WWC2: variants seen among roughly 807,000 people sequenced by gnomAD.
WWC2 encodes the protein WW and C2 domain containing 2, also known as protein WWC2.
In WWC2, 101 loss-of-function variants were observed where a neutral mutation model predicts 138.5. The ratio of observed to expected loss-of-function variants is 0.73; its 90% CI spans 0.62 to 0.86. The LOEUF (loss-of-function observed/expected upper bound fraction) is 0.86. WWC2 is among the 40% of genes least tolerant of loss of function. WWC2 has a pLI of 0.00. For synonymous variants in WWC2, 558 were observed against 538.4 expected, an observed-to-expected ratio of 1.04 and a Z score of -0.50; for missense variants, 1,420 against 1,419.4, an observed-to-expected ratio of 1.00 and a Z score of -0.01.
chr4:183,214,669 G>A (rs947797068), intron 4 of WWC2, among the ~76,000 whole-genome samples: 5 of 151,910 alleles, frequency 3.3e-5, no homozygotes, highest in South Asian at 2.1e-4. Context: ...GCACATGCCC[G>A]TAATCCCAGC....
chr4:183,165,750 G>C (rs552260477), intron 1 of WWC2, among the ~76,000 whole-genome samples: 18 of 152,168 alleles, frequency 1.2e-4, no homozygotes, highest in Non-Finnish European at 2.2e-4. Flanking sequence ...GGCACCAAAT[G>C]CAACTTTTTC....
Position 183,244,688 on chromosome 4 carries a change from C to T in WWC2, c.603-728C>T, listed in dbSNP as rs1023212349. Among the ~76,000 whole-genome samples the T allele has an allele frequency of 2.6e-5, 4 of 152,052 alleles. No individual in the cohort carries two copies. The South Asian group carries it at 8.3e-4, about 32-fold the overall frequency. ...TTATTAACCATTTATTAAAGGCCTCCCAAGCTGCAGGCCCTGTGCCAGGTT... is the reference window on the plus strand; with the variant it reads ...TTATTAACCATTTATTAAAGGCCTCTCAAGCTGCAGGCCCTGTGCCAGGTT... On this transcript the variant is annotated intron_variant, in intron 5 of 22. Transcript: ENST00000403733.
At chr4:183,279,188 G>A (rs1262254448) in intron 16 of WWC2, among the ~76,000 whole-genome samples, 3 of 151,998 alleles carry the variant, frequency 2.0e-5, no homozygotes, top group Non-Finnish European at 4.4e-5. Flanking sequence ...AGCATGAAGG[G>A]TTGTTGAATT....
chr4:183,211,549 A>G (rs1735598565), intron 4 of WWC2, among the ~76,000 whole-genome samples: 2 of 152,032 alleles, frequency 1.3e-5, no homozygotes, highest in Admixed American at 6.6e-5. Flanking sequence ...GGGCGGGTCA[A>G]TTTCCAGTTT....
At position 183,317,956 on chromosome 4, in the gene WWC2, CA is replaced by C. The variant is rs1739493862; in HGVS notation, c.*2228del. 1 of 152,066 alleles carries C rather than the reference CA, an allele frequency of 6.6e-6. No homozygotes were observed. Among genetic ancestry groups the C allele is most frequent in the Non-Finnish European group, 1.5e-5 (1 of 68,004 alleles). 9.4% of individuals were successfully genotyped at this position (152,066 alleles called of 1,614,324 possible). A position where few individuals can be genotyped will look rare whatever the true frequency, so the allele number is the denominator to read the frequency against. ...AATCCTTTTTCTACACTTTAAAAGT[CA>C]GCAATAGTGTTATGTATTTATAGGC... On this transcript the variant is annotated 3_prime_UTR_variant, in exon 23 of 23. Coordinates refer to ENST00000403733, the MANE Select transcript of WWC2 (RefSeq NM_024949.6).
chr4:183,303,856 C>T (rs1220487947), intron 21 of WWC2, among the ~76,000 whole-genome samples: 2 of 151,232 alleles, frequency 1.3e-5, no homozygotes, highest in African/African-American at 2.4e-5. Flanking sequence ...CTATATAGTA[C>T]ATGCCTGCAT....
chr4:183,110,180 G>T (rs1421390925), intron 1 of WWC2, among the ~76,000 whole-genome samples: 1 of 152,200 alleles, frequency 6.6e-6, no homozygotes, highest in African/African-American at 2.4e-5. Flanking sequence ...TAATTCTTAA[G>T]AAGAGTTGTA....
At chr4:183,220,821 G>C (rs780682365) in intron 4 of WWC2, among the ~76,000 whole-genome samples, 4 of 148,996 alleles carry the variant, frequency 2.7e-5, no homozygotes, top group Non-Finnish European at 4.4e-5. Flanking sequence ...GCGACAGAGC[G>C]AGACTCCGTC....
At chr4:183,220,534 TAAA>T (rs751722785) in intron 4 of WWC2, among the ~76,000 whole-genome samples, 2 of 137,308 alleles carry the variant, frequency 1.5e-5, no homozygotes, top group Non-Finnish European at 3.2e-5. Context: ...GTATCCACTT[TAAA>T]AAAAAAAAAA....
At chr4:183,154,852 G>T (rs6552641) in intron 1 of WWC2, among the ~76,000 whole-genome samples, 3 of 152,064 alleles carry the variant, frequency 2.0e-5, no homozygotes, top group African/African-American at 7.3e-5. Flanking sequence ...GCTCAGAACC[G>T]CTCTACTGCC....
Position 183,319,748 on chromosome 4 carries a change from G to T in WWC2, c.*4019G>T. On this transcript the variant is annotated 3_prime_UTR_variant, in exon 23 of 23. Transcript: ENST00000403733. ...GGGCCTCCCCAAACTCCCACCTGGGGACAAAGTCTGGGACGTTCTCATCCC... is the reference window on the plus strand; with the variant it reads ...GGGCCTCCCCAAACTCCCACCTGGGTACAAAGTCTGGGACGTTCTCATCCC... The T allele has an allele frequency of 6.2e-7, 1 of 1,613,916 alleles. No individual in the cohort carries two copies. The highest frequency in any genetic ancestry group is 1.7e-4 in the Middle Eastern group (1 of 6,054).
chr4:183,223,106 T>C (rs866436452), intron 4 of WWC2, among the ~76,000 whole-genome samples: 35 of 152,274 alleles, frequency 2.3e-4, no homozygotes, highest in African/African-American at 7.7e-4. Context: ...TTGATATGTT[T>C]AGATACACAA....
intron 1 of WWC2, among the ~76,000 whole-genome samples, chr4:183,178,562 C>T (rs1374987673): frequency 6.7e-6 from 1 of 150,002 alleles, no homozygotes; most frequent in Non-Finnish European, 1.5e-5. Context: ...TGAAGTCTTG[C>T]TGTGCTGCCC....
intron 8 of WWC2, among the ~76,000 whole-genome samples, chr4:183,251,253 G>T (rs553158787): frequency 5.4e-4 from 83 of 152,324 alleles, no homozygotes; most frequent in African/African-American, 2.0e-3. Context: ...TTGTGGCCCG[G>T]CAATGTGCCA....
At chr4:183,237,197 C>A (rs1169959930) in intron 4 of WWC2, among the ~76,000 whole-genome samples, 1 of 151,880 alleles carries the variant, frequency 6.6e-6, no homozygotes, top group Non-Finnish European at 1.5e-5. Context: ...TAAGTTAATT[C>A]CTAGGTATTT....
intron 1 of WWC2, among the ~76,000 whole-genome samples, chr4:183,113,515 T>TGTGTGCGCGCGCGC (rs371819502): frequency 7.9e-6 from 1 of 126,644 alleles, no homozygotes; most frequent in African/African-American, 3.0e-5. Context: ...TGTGTGTGTG[T>TGTGTGCGCGCGCGC]GCGCGCGCGT....
intron 4 of WWC2, among the ~76,000 whole-genome samples, chr4:183,237,253 A>G (rs960278875): frequency 2.0e-5 from 3 of 151,378 alleles, no homozygotes; most frequent in South Asian, 2.1e-4. Context: ...AATGGTAAAG[A>G]CAGGTTTCAG....
chr4:183,313,607 G>C (rs1739337177), intron 22 of WWC2, among the ~76,000 whole-genome samples: 1 of 152,126 alleles, frequency 6.6e-6, no homozygotes, highest in Non-Finnish European at 1.5e-5. Context: ...GGTCAGGATG[G>C]AGATTAAAAA....
At position 183,139,546 on chromosome 4, in the gene WWC2, C is replaced by CTT. The variant is rs143631862; in HGVS notation, c.131+39925_131+39926dup. On this transcript the variant is annotated intron_variant, in intron 1 of 22. Coordinates refer to ENST00000403733, the MANE Select transcript of WWC2 (RefSeq NM_024949.6). The stretch of plus-strand genomic sequence containing the variant: ...GTCATTGTGTACTTCTTTTTTTCCT[C>CTT]TTGCCATTTGCCAAGGTCCATGAGC... Among the ~76,000 whole-genome samples the CTT allele has an allele frequency of 5.4e-3, 815 of 152,208 alleles. 6 individuals carry two copies. Among genetic ancestry groups the CTT allele is most frequent in the African/African-American group, 0.019 (785 of 41,536 alleles).
Sources: gnomAD v4.1 joint callset for allele counts (sites outside exome capture counted in the v4.1 genomes callset) on GRCh38, gnomAD v4.1.1 for gene constraint, MANE v1.5 for transcripts, NCBI Gene and HGNC (gene_info 2026-07-23, HGNC 2026-07-21) for gene names.